Variants in PXK observed in about 807,000 individuals in gnomAD.
PXK encodes the protein PX domain containing serine/threonine kinase like.
Under a neutral mutation model 84.7 loss-of-function variants are expected in PXK, and 35 were observed. That is an observed-to-expected ratio of 0.41 (90% CI 0.32 to 0.55). The LOEUF (loss-of-function observed/expected upper bound fraction) is 0.55, where lower values mean the gene tolerates loss of function less well. PXK is among the 20% of genes least tolerant of loss of function. The pLI is 0.21. For missense variants in PXK, 634 were observed against 699.7 expected (o/e 0.91, Z 1.06); for synonymous variants, 253 against 260.8 (o/e 0.97, Z 0.29).
chr3:58,389,891 CAGG>C lies in PXK; in HGVS notation c.389-687_389-685del, dbSNP rs375436349. On this transcript the variant is annotated intron_variant, in intron 4 of 17. Coordinates refer to ENST00000356151, the MANE Select transcript of PXK (RefSeq NM_017771.5). ...GCGCATGCCTGTAATCCTAACTACT[CAGG>C]AGGCTGAGGCAGGAGAATTGCTTGA... 7.2e-4 allele frequency among the ~76,000 whole-genome samples: 106 copies of C among 148,146 alleles called. 1 individual carries two copies. Among genetic ancestry groups the C allele is most frequent in the African/African-American group, 2.3e-3 (94 of 40,108 alleles).
rs913654762 is a variant in PXK, at chr3:58,351,399, G to T, written c.103-14475G>T. On this transcript the variant is annotated intron_variant, in intron 1 of 17. Transcript: ENST00000356151. Reference sequence around the variant, plus strand: ...TGCGCCACCACAGCTAGCTATTTGTGTGTGTGTGTGTGTGTGTGTGTGTGT... The same window carrying T: ...TGCGCCACCACAGCTAGCTATTTGTTTGTGTGTGTGTGTGTGTGTGTGTGT... Among the ~76,000 whole-genome samples, 39 of 89,300 alleles carry T rather than the reference G, an allele frequency of 4.4e-4. 2 individuals are homozygous for T. Among genetic ancestry groups the T allele is most frequent in the African/African-American group, 2.3e-3 (33 of 14,362 alleles). The allele number at this position is 89,300 out of a possible 152,430, so 58.6% of individuals were successfully genotyped here. A position where few individuals can be genotyped will look rare whatever the true frequency, so the allele number is the denominator to read the frequency against.
In PXK at chr3:58,397,119, C is replaced by T. The variant is rs3191903; in HGVS notation, c.903C>T (p.Cys301=). The T allele has an allele frequency of 0.34, 543,317 of 1,613,672 alleles. 97,685 individuals carry two copies. The highest frequency in any genetic ancestry group is 0.4 in the Middle Eastern group (2,433 of 6,060). The change falls in exon 10 of 18, where the codon TGC becomes TGT. Residue 301 remains cysteine, a synonymous_variant. Coordinates refer to ENST00000356151, the MANE Select transcript of PXK (RefSeq NM_017771.5). The surrounding 1 kb of genome is among the most constrained non-coding windows in gnomAD (Gnocchi z 4.7). ...ATGTGATGCTCGATGGGGACACTTG[C>T]CGGCTGCTGGACCTTGAGAATTCCT... ...ASNVMLDGDT[C]RLLDLENSLL...
Position 58,409,084 on chromosome 3 carries a change from C to G in PXK, c.1308+83C>G. On this transcript the variant is annotated intron_variant, in intron 14 of 17. Transcript: ENST00000356151. This position sits in a 1 kb window ranked among gnomAD's most constrained non-coding sequence, Gnocchi z 4.2. The stretch of plus-strand genomic sequence containing the variant: ...TTATAGTGATTGACCTTTGACTGTT[C>G]CCTCTGCAAATATTTTAAGCATACT... 2.9e-6 allele frequency: 3 copies of G among 1,018,526 alleles called. No homozygotes were observed. Among genetic ancestry groups the G allele is most frequent in the Non-Finnish European group, 4.5e-6 (3 of 668,084 alleles). 63.1% of individuals were successfully genotyped at this position (1,018,526 alleles called of 1,614,324 possible).
At chr3:58,394,942 TA>T (rs1310782207) in intron 7 of PXK, 55 bp from the exon 8 acceptor site, 3 of 1,347,694 alleles carry the variant, frequency 2.2e-6, no homozygotes, top group Non-Finnish European at 3.2e-6. Context: ...ATCCTGTATT[TA>T]AAAGGACCTA....
At chr3:58,410,049 C>G in intron 15 of PXK, 41 bp from the exon 16 acceptor site, 4 of 1,313,060 alleles carry the variant, frequency 3.0e-6, no homozygotes, top group Non-Finnish European at 3.3e-6. Flanking sequence ...TTATTCTTTG[C>G]TTTCCTCTCC....
At position 58,390,634 on chromosome 3, in the gene PXK, G is replaced by A. The variant is rs768832150; in HGVS notation, c.441G>A (p.Glu147=). Residue 147 remains glutamate (E), a synonymous_variant, in exon 5 of 18, where the codon GAG becomes GAA. Transcript: ENST00000356151. This position sits in a 1 kb window ranked among gnomAD's most constrained non-coding sequence, Gnocchi z 4.2. ...TCTTCCGATCAGAACCAAAGTGGGA[G>A]GTGGTGGAACCTTTGAAAGACATAG... is the stretch of plus-strand genomic sequence containing the variant. The part of the protein sequence containing the change: ...SMFFRSEPKW[E]VVEPLKDIGW... 12 of 1,612,776 alleles carry A rather than the reference G, an allele frequency of 7.4e-6. No homozygotes were observed. In the Middle Eastern group the frequency reaches 9.9e-4, roughly 133 times the overall value.
intron 3 of PXK, among the ~76,000 whole-genome samples, chr3:58,372,721 G>A (rs1236075090): frequency 6.7e-6 from 1 of 150,346 alleles, no homozygotes; most frequent in East Asian, 1.9e-4. Flanking sequence ...CTGCCTCTTG[G>A]GTTCAAGCAA....
At chr3:58,410,002 GA>G in intron 15 of PXK, 87 bp from the exon 16 acceptor site, 1 of 852,006 alleles carries the variant, frequency 1.2e-6, no homozygotes, top group Non-Finnish European at 1.9e-6. Flanking sequence ...GGTATGCCTG[GA>G]AAATATTTTT....
intron 17 of PXK, among the ~76,000 whole-genome samples, chr3:58,418,579 G>A (rs1197612246): frequency 1.3e-5 from 2 of 151,574 alleles, no homozygotes; most frequent in East Asian, 3.9e-4. Flanking sequence ...CCACATTCCC[G>A]CTATGACCTT....
Position 58,406,115 on chromosome 3 carries a change from C to T in PXK, c.1230+2205C>T, listed in dbSNP as rs181488883. Among the ~76,000 whole-genome samples, 637 of 151,974 alleles carry T rather than the reference C, an allele frequency of 4.2e-3. 4 individuals are homozygous for T. The highest frequency in any genetic ancestry group is 0.014 in the African/African-American group (575 of 41,448). ...CTGAGCAGCTGGGATTACAAGCATG[C>T]GCCACCACGCCTGGCTAATTTTTGT... On this transcript the variant is annotated intron_variant, in intron 13 of 17. Coordinates refer to ENST00000356151, the MANE Select transcript of PXK (RefSeq NM_017771.5).
chr3:58,410,144 A>G lies in PXK; in HGVS notation c.1450A>G (p.Asn484Asp). 6.3e-7 allele frequency: 1 copy of G among 1,592,798 alleles called. No homozygotes were observed. Among genetic ancestry groups the G allele is most frequent in the Admixed American group, 1.7e-5 (1 of 59,990 alleles). ...NSEEHSAKYS[N>D]SNNSAGSGAS... ...TGAAGAGCATTCAGCGAAGTACAGC[A>G]ACTCCAATAATTCAGGTAACTGGTT... The change falls in exon 16 of 18, where the codon AAC (asparagine) becomes GAC (aspartate). Residue 484 changes from asparagine to aspartate, a missense_variant. Transcript: ENST00000356151.
intron 17 of PXK, chr3:58,422,268 TCC>T: frequency 1.0e-6 from 1 of 985,330 alleles, no homozygotes; most frequent in Non-Finnish European, 1.2e-6. Context: ...CCCCTAGACC[TCC>T]TCTCCCCTCC....
chr3:58,416,551 A>G lies in PXK; in HGVS notation c.1528+3588A>G, dbSNP rs1477472641. 1.2e-4 allele frequency among the ~76,000 whole-genome samples: 18 copies of G among 151,744 alleles called. No homozygotes were observed. The highest frequency in any genetic ancestry group is 1.2e-3 in the Admixed American group (18 of 15,198). On this transcript the variant is annotated intron_variant, in intron 17 of 17. Transcript: ENST00000356151. This position sits in a 1 kb window ranked among gnomAD's most constrained non-coding sequence, Gnocchi z 4.8. The stretch of plus-strand genomic sequence containing the variant: ...GTAGGAGATGCTTGGCAAATCTTTG[A>G]TTTACATAGGCTTGCTCTGCCTTCA...
At chr3:58,362,566 C>A (rs2098205809) in intron 1 of PXK, among the ~76,000 whole-genome samples, 2 of 152,164 alleles carry the variant, frequency 1.3e-5, no homozygotes, top group Admixed American at 1.3e-4. Flanking sequence ...GCACTTTCAT[C>A]AAAAATTTAA....
intron 1 of PXK, among the ~76,000 whole-genome samples, chr3:58,334,928 GGTGTGTGT>G (rs143395201): frequency 2.2e-4 from 29 of 130,534 alleles, no homozygotes; most frequent in African/African-American, 6.4e-4. Flanking sequence ...TTATTGTAAG[GGTGTGTGT>G]GTGTGTGTGT....
At chr3:58,346,383 C>G (rs2107877233) in intron 1 of PXK, among the ~76,000 whole-genome samples, 1 of 152,118 alleles carries the variant, frequency 6.6e-6, no homozygotes, top group Middle Eastern at 3.4e-3. Flanking sequence ...CAGCTCAGGT[C>G]TATGGCAGGG....
intron 17 of PXK, chr3:58,423,035 A>G: frequency 2.0e-6 from 2 of 985,170 alleles, no homozygotes; most frequent in Non-Finnish European, 2.4e-6. Context: ...ACTGGCACCT[A>G]CTTACCCCCA....
chr3:58,378,512 T>TGTGTGTGTG (rs1553776508), intron 3 of PXK, among the ~76,000 whole-genome samples: 1 of 29,098 alleles, frequency 3.4e-5, no homozygotes, highest in African/African-American at 1.3e-4. Context: ...TTTTTTTTTT[T>TGTGTGTGTG]TGTGTGTGTG....
chr3:58,424,889 A>C lies in PXK; in HGVS notation c.1666A>C (p.Ile556Leu), dbSNP rs373074088. The stretch of plus-strand genomic sequence containing the variant: ...GAGCCGAGGGGCCTTGCTCAGCTCC[A>C]TCCAGAATTTCCAAAAAGGAACTTT... ...GMSRGALLSS[I>L]QNFQKGTLRK... Residue 556 changes from isoleucine to leucine, a missense_variant, in exon 18 of 18, where the codon ATC (isoleucine) becomes CTC (leucine). Transcript: ENST00000356151. The C allele has an allele frequency of 6.2e-7, 1 of 1,614,226 alleles. No individual in the cohort carries two copies. The highest frequency in any genetic ancestry group is 2.2e-5 in the East Asian group (1 of 44,892).
Sources: allele counts gnomAD v4.1 joint callset (sites outside exome capture counted in the v4.1 genomes callset), GRCh38; gene constraint gnomAD v4.1.1; non-coding constraint Gnocchi (gnomAD v3.1); transcripts MANE v1.5; gene names NCBI Gene and HGNC (gene_info 2026-07-23, HGNC 2026-07-21).